The following HTR2C variants were observed in gnomAD, a reference collection of about 807,000 sequenced individuals.
HTR2C encodes the protein 5-hydroxytryptamine (serotonin) receptor 2C, G protein-coupled.
In HTR2C, 5 loss-of-function variants were observed where a neutral mutation model predicts 21.0. The ratio of observed to expected loss-of-function variants is 0.24; its 90% CI spans 0.12 to 0.50. HTR2C has a LOEUF of 0.50. Ranked by LOEUF, HTR2C falls within the 20% of genes least tolerant of loss-of-function variation. HTR2C has a pLI of 0.98. For synonymous variants in HTR2C, 150 were observed against 145.3 expected (o/e 1.03, Z -0.23); for missense variants, 271 against 371.2 (o/e 0.73, Z 2.22).
At chrX:114,806,356 ATATATATACCG>A (rs1556449601) in intron 4 of HTR2C, among the ~76,000 whole-genome samples, 13 of 84,670 alleles carry the variant, frequency 1.5e-4, no homozygotes, top group African/African-American at 3.9e-4. Flanking sequence ...TATACACACC[ATATATATACCG>A]TATATATACA....
intron 1 of HTR2C, chrX:114,589,786 G>GA (rs1927559395): frequency 6.7e-6 from 2 of 300,102 alleles, no homozygotes; most frequent in East Asian, 8.7e-5. Flanking sequence ...CAATTTTTCG[G>GA]AAAAAAGCTA....
At chrX:114,799,486 T>A (rs782567244) in intron 4 of HTR2C, among the ~76,000 whole-genome samples, 52 of 110,239 alleles carry the variant, frequency 4.7e-4, no homozygotes, top group Non-Finnish European at 8.0e-4. Context: ...AAAAAAAGAA[T>A]TACTTTAATT....
chrX:114,780,237 AAT>A (rs1556440188), intron 4 of HTR2C, among the ~76,000 whole-genome samples: 1 of 111,177 alleles, frequency 9.0e-6, no homozygotes, highest in Non-Finnish European at 1.9e-5. Context: ...ATCCCTCATG[AAT>A]ACCGGGAAAC....
At chrX:114,802,702 C>T (rs1556447261) in intron 4 of HTR2C, among the ~76,000 whole-genome samples, 2 of 96,083 alleles carry the variant, frequency 2.1e-5, no homozygotes, top group East Asian at 6.8e-4. Flanking sequence ...TTCTTTCTTT[C>T]TTTCTTTCTT....
At chrX:114,715,102 G>GA (rs1156672121) in intron 2 of HTR2C, 1 of 193,251 alleles carries the variant, frequency 5.2e-6, no homozygotes. Context: ...AACAATAGCA[G>GA]AAGTCACTTC....
intron 2 of HTR2C, among the ~76,000 whole-genome samples, chrX:114,725,695 T>C (rs1172493865): frequency 9.0e-6 from 1 of 110,600 alleles, no homozygotes; most frequent in Non-Finnish European, 1.9e-5. Flanking sequence ...GGGTTTTTGG[T>C]GTGGATGTCC....
intron 4 of HTR2C, among the ~76,000 whole-genome samples, chrX:114,785,527 G>T (rs2070166295): frequency 8.9e-6 from 1 of 111,737 alleles, no homozygotes; most frequent in Admixed American, 9.5e-5. Context: ...TAGATTTGCA[G>T]ATTGATATGG....
intron 4 of HTR2C, among the ~76,000 whole-genome samples, chrX:114,823,189 T>A (rs1434234589): frequency 9.0e-6 from 1 of 111,540 alleles, no homozygotes; most frequent in Non-Finnish European, 1.9e-5. Flanking sequence ...TACCTATAAG[T>A]GTCAGGAGAT....
At chrX:114,712,049 G>A (rs1402356892) in intron 2 of HTR2C, among the ~76,000 whole-genome samples, 1 of 111,776 alleles carries the variant, frequency 8.9e-6, no homozygotes, top group Admixed American at 9.6e-5. Flanking sequence ...AAGCAACGCT[G>A]CCTATGATTT....
At position 114,792,020 on chromosome X, in the gene HTR2C, T is replaced by C. The variant is rs782786913; in HGVS notation, c.350-55983T>C. Among the ~76,000 whole-genome samples the C allele has an allele frequency of 3.1e-3, 344 of 112,086 alleles. 1 individual carries two copies. The highest frequency in any genetic ancestry group is 5.0e-3 in the Non-Finnish European group (267 of 53,212). Reference sequence around the variant, plus strand: ...AACTCACTGTTCCGTGTGATCTTTCTTTTAGAAAGACAAATTCTACTACTA... The same window carrying C: ...AACTCACTGTTCCGTGTGATCTTTCCTTTAGAAAGACAAATTCTACTACTA... On this transcript the variant is annotated intron_variant, in intron 4 of 5. Transcript: ENST00000276198.
At chrX:114,822,143 G>C (rs1287598098) in intron 4 of HTR2C, among the ~76,000 whole-genome samples, 2 of 110,992 alleles carry the variant, frequency 1.8e-5, no homozygotes, top group African/African-American at 6.5e-5. Context: ...CAACATGCCT[G>C]GCAAGATTAA....
At chrX:114,775,894 G>T in intron 4 of HTR2C, 1 of 373,566 alleles carries the variant, frequency 2.7e-6, no homozygotes, top group South Asian at 3.8e-5. Flanking sequence ...CACAGGCAAT[G>T]GATGTACAGA....
chrX:114,770,212 T>C (rs1049257213), intron 4 of HTR2C, among the ~76,000 whole-genome samples: 66 of 111,938 alleles, frequency 5.9e-4, no homozygotes, highest in Non-Finnish European at 3.8e-4. Flanking sequence ...TTTATCCTAA[T>C]TGGTGTTCAT....
chrX:114,890,122 A>G (rs1282684660), intron 5 of HTR2C, among the ~76,000 whole-genome samples: 1 of 111,836 alleles, frequency 8.9e-6, no homozygotes, highest in Non-Finnish European at 1.9e-5. Flanking sequence ...TTTCAATTCC[A>G]CTATTGGCAT....
At chrX:114,885,855 G>T (rs2071216297) in intron 5 of HTR2C, among the ~76,000 whole-genome samples, 1 of 111,535 alleles carries the variant, frequency 9.0e-6, no homozygotes. Flanking sequence ...TTGATCTACA[G>T]ATGTCTTTTA....
intron 5 of HTR2C, among the ~76,000 whole-genome samples, chrX:114,894,072 C>G (rs1389942617): frequency 9.0e-6 from 1 of 110,619 alleles, no homozygotes; most frequent in African/African-American, 3.4e-5. Context: ...ACTTTCATTG[C>G]GGATGGGACT....
At chrX:114,649,938 T>C (rs1930496735) in intron 2 of HTR2C, among the ~76,000 whole-genome samples, 1 of 111,471 alleles carries the variant, frequency 9.0e-6, no homozygotes, top group African/African-American at 3.3e-5. Context: ...TGAAGATTTG[T>C]GTAGCATCAC....
rs782442762 is a variant in HTR2C, at chrX:114,768,698, G to A, written c.349+37091G>A. On this transcript the variant is annotated intron_variant, in intron 4 of 5. Coordinates refer to ENST00000276198, the MANE Select transcript of HTR2C (RefSeq NM_000868.4). ...GTGTTTCATAAATAAACTTTTTAGC[G>A]TGTATTACTATGACAAGTTACTCAA... Among the ~76,000 whole-genome samples the A allele has an allele frequency of 3.4e-4, 38 of 111,077 alleles. No individual in the cohort carries two copies. In the South Asian group the frequency reaches 8.1e-3, roughly 24 times the overall value.
intron 4 of HTR2C, among the ~76,000 whole-genome samples, chrX:114,790,749 T>C (rs782168961): frequency 8.9e-6 from 1 of 112,189 alleles, no homozygotes; most frequent in Admixed American, 9.5e-5. Flanking sequence ...ATTAAATAGA[T>C]TATGACATTT....
Sources: gnomAD v4.1 joint callset for allele counts (sites outside exome capture counted in the v4.1 genomes callset) on GRCh38, gnomAD v4.1.1 for gene constraint, MANE v1.5 for transcripts, NCBI Gene and HGNC (gene_info 2026-07-23, HGNC 2026-07-21) for gene names.